Variants in DUSP22 observed in about 807,000 individuals in gnomAD.
DUSP22 encodes dual specificity protein phosphatase 22.
In DUSP22, 24 loss-of-function variants were observed where a neutral mutation model predicts 24.5. That is an observed-to-expected ratio of 0.98 (90% CI 0.71 to 1.38). DUSP22 has a LOEUF of 1.38. Ranked by LOEUF, DUSP22 falls within the 40% of genes most tolerant of loss-of-function variation. The pLI, the probability that DUSP22 is intolerant of heterozygous loss-of-function variation, is 0.00. For missense variants in DUSP22, 330 were observed against 269.2 expected, an observed-to-expected ratio of 1.23 and a Z score of -1.58; for synonymous variants, 160 against 106.4, an observed-to-expected ratio of 1.50 and a Z score of -3.10.
intron 1 of DUSP22, among the ~76,000 whole-genome samples, chr6:298,184 G>T (rs1315219067): frequency 6.6e-6 from 1 of 152,310 alleles, no homozygotes; most frequent in Non-Finnish European, 1.5e-5. Context: ...AGATGTTAAA[G>T]GCAGTGTTCT....
intron 1 of DUSP22, among the ~76,000 whole-genome samples, chr6:292,779 C>T (rs1215113889): frequency 1.3e-5 from 2 of 152,248 alleles, no homozygotes; most frequent in Non-Finnish European, 2.9e-5. Flanking sequence ...CAGCCCCCAG[C>T]CGCCTGCCTT....
intron 3 of DUSP22, among the ~76,000 whole-genome samples, chr6:314,185 T>C (rs1758239232): frequency 6.6e-6 from 1 of 152,308 alleles, no homozygotes; most frequent in Admixed American, 6.5e-5. Flanking sequence ...GACCCCTGGC[T>C]GGTGAGAGCC....
At chr6:300,008 G>A (rs1225806643) in intron 1 of DUSP22, among the ~76,000 whole-genome samples, 1 of 152,300 alleles carries the variant, frequency 6.6e-6, no homozygotes, top group East Asian at 1.9e-4. Context: ...AGAACCAATC[G>A]AGTTCAAAAA....
chr6:350,694 CA>C lies in DUSP22; in HGVS notation c.*1744del. 4.4e-6 allele frequency: 7 copies of C among 1,580,094 alleles called. No homozygotes were observed. Among genetic ancestry groups the C allele is most frequent in the Non-Finnish European group, 6.0e-6 (7 of 1,164,076 alleles). ...CCTAAGCCAAAAATAAATACGTTAA[CA>C]GAAAAATGATTTAGGATATAGCTTG... On this transcript the variant is annotated 3_prime_UTR_variant, in exon 7 of 7. Coordinates refer to ENST00000419235, the MANE Select transcript of DUSP22 (RefSeq NM_001286555.3).
Position 351,143 on chromosome 6 carries a change from G to C in DUSP22, c.*2192G>C. On this transcript the variant is annotated 3_prime_UTR_variant, in exon 7 of 7. Coordinates refer to ENST00000419235, the MANE Select transcript of DUSP22 (RefSeq NM_001286555.3). Reference sequence around the variant, plus strand: ...GGAGCCTTGCCGCACTGCCTTGTGGGTGGCTTGGCGCTCGTGATTGCTTCC... The same window carrying C: ...GGAGCCTTGCCGCACTGCCTTGTGGCTGGCTTGGCGCTCGTGATTGCTTCC... The C allele has an allele frequency of 1.9e-6, 1 of 527,218 alleles. No individual in the cohort carries two copies. The highest frequency in any genetic ancestry group is 3.3e-6 in the Non-Finnish European group (1 of 302,546). The allele number at this position is 527,218 out of a possible 1,614,324, so 32.7% of individuals were successfully genotyped here. A position where few individuals can be genotyped will look rare whatever the true frequency, so the allele number is the denominator to read the frequency against.
chr6:323,655 G>A (rs1208156016), intron 3 of DUSP22, among the ~76,000 whole-genome samples: 2 of 152,302 alleles, frequency 1.3e-5, no homozygotes, highest in African/African-American at 4.8e-5. Flanking sequence ...TAGGATGGCT[G>A]TATAGGCACA....
At chr6:334,622 G>T (rs1451363445) in intron 3 of DUSP22, among the ~76,000 whole-genome samples, 1 of 152,294 alleles carries the variant, frequency 6.6e-6, no homozygotes, top group Non-Finnish European at 1.5e-5. Flanking sequence ...GCTCGTATTG[G>T]TGCGTCAGTG....
At position 307,713 on chromosome 6, in the gene DUSP22, A is replaced by G. The variant is rs1056600073; in HGVS notation, c.55+3052A>G. ...TGACAGACGAAGCCCTCATTGTTTGAAGATGTCCACAGAATTCTAGAAAAG... is the reference window on the plus strand; with the variant it reads ...TGACAGACGAAGCCCTCATTGTTTGGAGATGTCCACAGAATTCTAGAAAAG... On this transcript the variant is annotated intron_variant, in intron 2 of 6. Transcript: ENST00000419235. 2.0e-5 allele frequency among the ~76,000 whole-genome samples: 3 copies of G among 152,424 alleles called. No homozygotes were observed. The East Asian group carries it at 5.8e-4, about 29-fold the overall frequency.
chr6:335,726 C>T (rs1026221183), intron 4 of DUSP22, among the ~76,000 whole-genome samples: 5 of 152,418 alleles, frequency 3.3e-5, no homozygotes, highest in South Asian at 2.1e-4. Context: ...GGGGCTCTGG[C>T]GTGCTGTTTC....
At chr6:308,713 T>G (rs2260623) in intron 2 of DUSP22, among the ~76,000 whole-genome samples, 152,062 of 152,426 alleles carry the variant, frequency 1, 75,849 homozygotes, top group Middle Eastern at 1. Flanking sequence ...ATATTGTGGC[T>G]ATTGTGCAGC....
intron 4 of DUSP22, among the ~76,000 whole-genome samples, chr6:336,034 A>G (rs1473064060): frequency 6.6e-6 from 1 of 152,306 alleles, no homozygotes; most frequent in Non-Finnish European, 1.5e-5. Context: ...GGCTCTGGGG[A>G]CCCGTGGCAG....
intron 4 of DUSP22, among the ~76,000 whole-genome samples, chr6:340,398 G>A (rs1245565496): frequency 2.0e-5 from 3 of 152,308 alleles, no homozygotes; most frequent in Non-Finnish European, 4.4e-5. Flanking sequence ...CTGGGGCAGG[G>A]CCTGTGGGTT....
chr6:297,486 TCCTCA>T (rs1466606764), intron 1 of DUSP22, among the ~76,000 whole-genome samples: 1 of 152,310 alleles, frequency 6.6e-6, no homozygotes, highest in African/African-American at 2.4e-5. Context: ...AGACCGGTGT[TCCTCA>T]ACGGCTACAC....
chr6:322,399 G>A (rs932613880), intron 3 of DUSP22, among the ~76,000 whole-genome samples: 1 of 152,298 alleles, frequency 6.6e-6, no homozygotes, highest in African/African-American at 2.4e-5. Flanking sequence ...AGTCCTTGGG[G>A]TTCCCTGCAG....
At chr6:318,695 TA>T (rs2127402201) in intron 3 of DUSP22, among the ~76,000 whole-genome samples, 1 of 152,428 alleles carries the variant, frequency 6.6e-6, no homozygotes, top group South Asian at 2.1e-4. Flanking sequence ...ACAAGGAGGA[TA>T]AACCCCCAAA....
At chr6:293,978 G>A (rs1757211442) in intron 1 of DUSP22, among the ~76,000 whole-genome samples, 1 of 152,256 alleles carries the variant, frequency 6.6e-6, no homozygotes, top group Admixed American at 6.5e-5. Flanking sequence ...GGCTCCGTTT[G>A]CCTTCCCATT....
chr6:328,068 T>TAA (rs1758966779), intron 3 of DUSP22, among the ~76,000 whole-genome samples: 1 of 152,302 alleles, frequency 6.6e-6, no homozygotes, highest in South Asian at 2.1e-4. Context: ...TCCCTGGTGA[T>TAA]ACGTACAGAG....
rs1168005462 is a variant in DUSP22, at chr6:348,084, G to T, written c.264-19G>T. ...GATCTGAAACTGCCCTCACACATGT[G>T]CTTCTCTTGGCCCCGCAGCCTGGCC... On this transcript the variant is annotated intron_variant, in intron 5 of 6. Transcript: ENST00000419235. The T allele has an allele frequency of 6.2e-7, 1 of 1,613,660 alleles. No homozygotes were observed. The highest frequency in any genetic ancestry group is 1.3e-5 in the African/African-American group (1 of 75,084).
At chr6:335,501 T>C (rs1353787609) in intron 4 of DUSP22, among the ~76,000 whole-genome samples, 2 of 152,302 alleles carry the variant, frequency 1.3e-5, no homozygotes, top group East Asian at 3.8e-4. Context: ...GGGTTCTGTC[T>C]AAAGCAGCGC....
Sources: allele counts gnomAD v4.1 joint callset (sites outside exome capture counted in the v4.1 genomes callset), GRCh38; gene constraint gnomAD v4.1.1; transcripts MANE v1.5; gene names NCBI Gene and HGNC (gene_info 2026-07-23, HGNC 2026-07-21).